NRG1: variants seen among roughly 807,000 people sequenced by gnomAD.
NRG1 encodes neuregulin 1, also known as pro-neuregulin-1, membrane-bound isoform.
In NRG1, 18 loss-of-function variants were observed where a neutral mutation model predicts 63.8. The observed-to-expected ratio is 0.28, with a 90% confidence interval of 0.19 to 0.42. The LOEUF is 0.42. Among genes scored for constraint, NRG1 ranks in the 10% least tolerant of loss-of-function variants. The pLI is 1.00. For synonymous variants in NRG1, 302 were observed against 301.3 expected (o/e 1.00, Z -0.02); for missense variants, 762 against 814.7 (o/e 0.94, Z 0.79).
intron 1 of NRG1, among the ~76,000 whole-genome samples, chr8:32,137,819 GC>G (rs1170742509): frequency 6.6e-6 from 1 of 152,056 alleles, no homozygotes; most frequent in African/African-American, 2.4e-5. Flanking sequence ...GCTGCTGCAG[GC>G]CAGTCAGTAT....
chr8:32,583,045 A>G (rs1260036158), intron 1 of NRG1, among the ~76,000 whole-genome samples: 3 of 151,468 alleles, frequency 2.0e-5, no homozygotes. Flanking sequence ...GTTTCCAGCT[A>G]CTTTTTTTTT....
At chr8:31,833,919 G>A (rs978087689) in intron 1 of NRG1, among the ~76,000 whole-genome samples, 1 of 152,106 alleles carries the variant, frequency 6.6e-6, no homozygotes, top group Non-Finnish European at 1.5e-5. Flanking sequence ...GGAATTTTAA[G>A]CATTTTGGCA....
intron 1 of NRG1, among the ~76,000 whole-genome samples, chr8:31,902,873 G>C (rs1832204121): frequency 6.6e-6 from 1 of 152,182 alleles, no homozygotes; most frequent in Non-Finnish European, 1.5e-5. Context: ...GTATGGACCA[G>C]TTTTAGTGAC....
At chr8:32,365,205 T>C (rs1807801825) in intron 1 of NRG1, among the ~76,000 whole-genome samples, 1 of 152,190 alleles carries the variant, frequency 6.6e-6, no homozygotes, top group Admixed American at 6.5e-5. Flanking sequence ...TCCTTTACTT[T>C]GAACTGCATT....
intron 1 of NRG1, among the ~76,000 whole-genome samples, chr8:31,755,237 G>C (rs772756447): frequency 1.3e-5 from 2 of 152,106 alleles, no homozygotes; most frequent in African/African-American, 2.4e-5. Context: ...CTTGTGTCCA[G>C]CTGTAATCCC....
chr8:31,793,967 C>G lies in NRG1; in HGVS notation c.37+154536C>G, dbSNP rs1288136147. On this transcript the variant is annotated intron_variant, in intron 1 of 10. Coordinates refer to the NRG1 transcript ENST00000519301. ...CTTCCTTCTTTCTTTCATTTTCTCTCTCTTTGGAATCTCTTCTCTTAACTT... is the reference window on the plus strand; with the variant it reads ...CTTCCTTCTTTCTTTCATTTTCTCTGTCTTTGGAATCTCTTCTCTTAACTT... 3.3e-5 allele frequency among the ~76,000 whole-genome samples: 5 copies of G among 151,994 alleles called. No homozygotes were observed. The East Asian group carries it at 7.7e-4, about 23-fold the overall frequency.
intron 1 of NRG1, among the ~76,000 whole-genome samples, chr8:32,563,921 A>C (rs1836931666): frequency 6.6e-6 from 1 of 152,166 alleles, no homozygotes; most frequent in Non-Finnish European, 1.5e-5. Context: ...TATTCATTGA[A>C]AGGATACCTC....
At chr8:32,450,075 C>T (rs989536382) in intron 1 of NRG1, among the ~76,000 whole-genome samples, 9 of 152,078 alleles carry the variant, frequency 5.9e-5, no homozygotes, top group East Asian at 1.9e-4. Flanking sequence ...CCTGGCAACC[C>T]GGTGGGCAGG....
intron 1 of NRG1, among the ~76,000 whole-genome samples, chr8:32,549,059 T>C (rs1267365006): frequency 1.3e-5 from 2 of 152,182 alleles, no homozygotes; most frequent in South Asian, 4.1e-4. Context: ...GGGACAGCAG[T>C]CCCGGCCGCA....
intron 1 of NRG1, among the ~76,000 whole-genome samples, chr8:31,963,580 C>T (rs76215232): frequency 2.2e-3 from 334 of 152,216 alleles, no homozygotes; most frequent in African/African-American, 7.8e-3. Flanking sequence ...TTTCCACATA[C>T]GTGGTGGCTT....
chr8:32,321,131 A>C (rs761556597), intron 1 of NRG1, among the ~76,000 whole-genome samples: 1 of 152,174 alleles, frequency 6.6e-6, no homozygotes, highest in African/African-American at 2.4e-5. Context: ...CATGAAAATT[A>C]CAACCCCCGT....
At chr8:32,487,103 G>A (rs1486344776) in intron 1 of NRG1, among the ~76,000 whole-genome samples, 4 of 150,416 alleles carry the variant, frequency 2.7e-5, no homozygotes, top group South Asian at 4.2e-4. Context: ...GAACCTAATT[G>A]GCAAAGCAAA....
intron 1 of NRG1, among the ~76,000 whole-genome samples, chr8:32,153,207 A>G (rs1176263324): frequency 6.6e-6 from 1 of 152,062 alleles, no homozygotes; most frequent in East Asian, 1.9e-4. Context: ...GGAGTAGGAT[A>G]CAGTACAGGG....
At chr8:31,704,585 C>T (rs1396985191) in intron 1 of NRG1, among the ~76,000 whole-genome samples, 1 of 152,090 alleles carries the variant, frequency 6.6e-6, no homozygotes, top group Non-Finnish European at 1.5e-5. Context: ...GTAATCCCAG[C>T]ACTTTGGGAG....
intron 1 of NRG1, among the ~76,000 whole-genome samples, chr8:31,870,431 A>T (rs916919739): frequency 4.6e-5 from 7 of 152,158 alleles, no homozygotes; most frequent in African/African-American, 1.4e-4. Flanking sequence ...AGTGTTCAAG[A>T]TAACTTAGAA....
intron 1 of NRG1, among the ~76,000 whole-genome samples, chr8:31,668,799 T>C (rs182105945): frequency 2.0e-4 from 31 of 152,340 alleles, no homozygotes; most frequent in Admixed American, 3.9e-4. Flanking sequence ...CCTGTAATCA[T>C]TGAAGGAGTT....
intron 1 of NRG1, among the ~76,000 whole-genome samples, chr8:32,572,363 AT>A (rs1480140073): frequency 2.6e-5 from 4 of 152,216 alleles, no homozygotes; most frequent in East Asian, 3.9e-4. Context: ...TCAATATATC[AT>A]AAGTGAGGTA....
intron 5 of NRG1, among the ~76,000 whole-genome samples, chr8:32,708,062 A>ATT (rs1816876149): frequency 6.6e-6 from 1 of 151,996 alleles, no homozygotes; most frequent in Admixed American, 6.6e-5. Context: ...CCTAAAAGTT[A>ATT]AATCATCCTT....
At chr8:31,891,101 G>A (rs765925356) in intron 1 of NRG1, among the ~76,000 whole-genome samples, 17 of 152,142 alleles carry the variant, frequency 1.1e-4, no homozygotes, top group Non-Finnish European at 2.4e-4. Context: ...GCCAAATAAT[G>A]GGTCGACTTG....
Sources: allele counts gnomAD v4.1 joint callset (sites outside exome capture counted in the v4.1 genomes callset), GRCh38; gene constraint gnomAD v4.1.1; transcripts MANE v1.5; gene names NCBI Gene and HGNC (gene_info 2026-07-23, HGNC 2026-07-21).